PSMC3IP: variants seen among roughly 807,000 people sequenced by gnomAD.
PSMC3IP encodes homologous-pairing protein 2 homolog.
In PSMC3IP, 26 loss-of-function variants were observed where a neutral mutation model predicts 34.9. The ratio of observed to expected loss-of-function variants is 0.74; its 90% CI spans 0.55 to 1.03. The LOEUF (loss-of-function observed/expected upper bound fraction) is 1.03. Among genes scored for constraint, PSMC3IP ranks in the 50% least tolerant of loss-of-function variants. PSMC3IP has a pLI of 0.00. For synonymous variants in PSMC3IP, 87 were observed against 96.5 expected (o/e 0.90, Z 0.57); for missense variants, 250 against 263.1 (o/e 0.95, Z 0.34).
intron 3 of PSMC3IP, 177 bp from the exon 4 acceptor site, chr17:42,574,387 G>A (rs2093059658): frequency 1.3e-5 from 18 of 1,417,172 alleles, no homozygotes; most frequent in Middle Eastern, 2.6e-4. Flanking sequence ...GTTAAGGAGC[G>A]GCCCCACTAA....
At chr17:42,574,410 GAA>G in intron 3 of PSMC3IP, 200 bp from the exon 4 acceptor site, 4 of 1,331,058 alleles carry the variant, frequency 3.0e-6, no homozygotes, top group Admixed American at 2.8e-5. Context: ...AGGTAGGAAA[GAA>G]AAGCTGAAAT....
rs1417133181 is a variant in PSMC3IP at position 42,572,838 on chromosome 17, C to G, written c.*130G>C. 5.3e-6 allele frequency: 6 copies of G among 1,124,914 alleles called. No homozygotes were observed. 69.7% of individuals were successfully genotyped at this position (1,124,914 alleles called of 1,614,324 possible). On this transcript the variant is annotated 3_prime_UTR_variant, in exon 8 of 8. Coordinates refer to ENST00000393795, the MANE Select transcript of PSMC3IP (RefSeq NM_016556.4). Reference sequence around the variant, plus strand: ...CAGTGCTCTGGTTTATGCTTGTCTCCTGACTGCTCTGCTTAAAGGTGAAAG... The same window carrying G: ...CAGTGCTCTGGTTTATGCTTGTCTCGTGACTGCTCTGCTTAAAGGTGAAAG...
intron 2 of PSMC3IP, 58 bp from the exon 3 acceptor site, chr17:42,577,360 C>G (rs2093082458): frequency 1.2e-6 from 2 of 1,609,206 alleles, no homozygotes; most frequent in South Asian, 2.2e-5. Flanking sequence ...CTGGGGAAAT[C>G]CAGCCAGTGA....
rs2292754 is a variant in PSMC3IP at position 42,573,361 on chromosome 17, A to T, written c.487T>A (p.Tyr163Asn). The change falls in exon 6 of 8, where the codon TAC becomes AAC. Residue 163 changes from tyrosine to asparagine, a missense_variant. By Grantham distance (143) the Tyr-to-Asn change is moderately radical. Coordinates refer to ENST00000393795, the MANE Select transcript of PSMC3IP (RefSeq NM_016556.4). ...TTACAGTACTTCTGCCTCTCTCTGTACACCTAGAAGGAAAAAGCAAGTTCC... is the reference window on the plus strand; with the variant it reads ...TTACAGTACTTCTGCCTCTCTCTGTTCACCTAGAAGGAAAAAGCAAGTTCC... ...HVTPEEKEQV[Y>N]RERQKYCKEW... is the part of the protein sequence containing the mutation. 0.018 allele frequency: 29,370 copies of T among 1,614,006 alleles called. 1,337 individuals are homozygous for T. The highest frequency in any genetic ancestry group is 0.13 in the East Asian group (6,011 of 44,882).
intron 3 of PSMC3IP, among the ~76,000 whole-genome samples, chr17:42,575,079 C>A (rs2143313957): frequency 6.6e-6 from 1 of 152,238 alleles, no homozygotes; most frequent in Non-Finnish European, 1.5e-5. Flanking sequence ...ATAAGGGATT[C>A]CAGTAAGTCT....
intron 3 of PSMC3IP, chr17:42,576,910 G>A (rs924666164): frequency 7.0e-6 from 3 of 428,570 alleles, no homozygotes; most frequent in Non-Finnish European, 1.3e-5. Context: ...TCGGATGGAG[G>A]CAGGAGGAAC....
Position 42,574,778 on chromosome 17 carries a change from CTT to C in PSMC3IP, c.226-570_226-569del, listed in dbSNP as rs528459252. Among the ~76,000 whole-genome samples, 469 of 132,646 alleles carry C rather than the reference CTT, an allele frequency of 3.5e-3. 4 individuals are homozygous for C. Among genetic ancestry groups the C allele is most frequent in the African/African-American group, 0.012 (447 of 38,396 alleles). 87.0% of individuals were successfully genotyped at this position (132,646 alleles called of 152,430 possible). ...CTCCCTCCCTTCCCTCTTTTCCTCT[CTT>C]TCTTTCTCTGTCACCCAGGCCAGAG... On this transcript the variant is annotated intron_variant, in intron 3 of 7. Transcript: ENST00000393795.
At chr17:42,577,790 G>A, upstream of PSMC3IP, 1 of 1,405,630 alleles carries the variant, frequency 7.1e-7, no homozygotes, top group Non-Finnish European at 1.0e-6. Context: ...TTGGCTGAAG[G>A]GGAAGCCTTC....
chr17:42,573,385 C>T (rs892010755), intron 5 of PSMC3IP, 21 bp from the exon 6 acceptor site: 2 of 1,614,086 alleles, frequency 1.2e-6, no homozygotes, highest in Non-Finnish European at 1.7e-6. Context: ...AAAGCAAGTT[C>T]CTCTAACTCC....
intron 5 of PSMC3IP, 47 bp downstream of exon 5, chr17:42,573,431 A>T: frequency 2.5e-6 from 4 of 1,614,178 alleles, no homozygotes; most frequent in Non-Finnish European, 3.4e-6. Context: ...CTCAGCCCTG[A>T]TGTTCACTCT....
chr17:42,573,065 T>TAA, intron 7 of PSMC3IP, 41 bp from the exon 8 acceptor site: 2 of 1,614,124 alleles, frequency 1.2e-6, no homozygotes, highest in Non-Finnish European at 1.7e-6. Context: ...GTCACCAGGA[T>TAA]AAGACCACAG....
intron 5 of PSMC3IP, 39 bp from the exon 6 acceptor site, chr17:42,573,403 C>G: frequency 1.9e-6 from 3 of 1,614,244 alleles, no homozygotes; most frequent in African/African-American, 2.7e-5. Context: ...TCCTCAGAAC[C>G]ACAGCAGCCC....
chr17:42,573,916 T>C, intron 4 of PSMC3IP, 183 bp downstream of exon 4: 3 of 1,532,672 alleles, frequency 2.0e-6, no homozygotes, highest in Non-Finnish European at 2.6e-6. Flanking sequence ...GCGTATCTTG[T>C]CCATTTGTTG....
At chr17:42,577,427 C>A in intron 2 of PSMC3IP, 34 bp downstream of exon 2, 1 of 1,612,330 alleles carries the variant, frequency 6.2e-7, no homozygotes, top group South Asian at 1.1e-5. Context: ...CCAGGGAGTC[C>A]GACGGAGAGG....
chr17:42,577,692 T>C lies in PSMC3IP; in HGVS notation c.-6A>G. 1 of 1,614,030 alleles carries C rather than the reference T, an allele frequency of 6.2e-7. No homozygotes were observed. Among genetic ancestry groups the C allele is most frequent in the Non-Finnish European group, 8.5e-7 (1 of 1,179,920 alleles). ...TCTGCCCGGCCTTTACTCATCGCCT[T>C]TCCCGCCACCCAACTCAGAAAGCCG... On this transcript the variant is annotated 5_prime_UTR_variant, in exon 1 of 8. Coordinates refer to ENST00000393795, the MANE Select transcript of PSMC3IP (RefSeq NM_016556.4).
intron 3 of PSMC3IP, among the ~76,000 whole-genome samples, chr17:42,574,589 T>A (rs759450284): frequency 2.1e-4 from 32 of 152,134 alleles, no homozygotes; most frequent in Non-Finnish European, 4.0e-4. Flanking sequence ...ACTGGACAGG[T>A]GAAGAAGCAT....
At chr17:42,577,335 A>C in intron 2 of PSMC3IP, 33 bp from the exon 3 acceptor site, 1 of 1,611,778 alleles carries the variant, frequency 6.2e-7, no homozygotes, top group Non-Finnish European at 8.5e-7. Context: ...CAATCAGAGG[A>C]GTCTGAGCCT....
rs770855612 is a variant in PSMC3IP, at chr17:42,577,696, C to T, written c.-10G>A. On this transcript the variant is annotated 5_prime_UTR_variant, in exon 1 of 8. Coordinates refer to ENST00000393795, the MANE Select transcript of PSMC3IP (RefSeq NM_016556.4). ...CCCGGCCTTTACTCATCGCCTTTCC[C>T]GCCACCCAACTCAGAAAGCCGGACG... 1 of 1,614,014 alleles carries T rather than the reference C, an allele frequency of 6.2e-7. No homozygotes were observed. Among genetic ancestry groups the T allele is most frequent in the Admixed American group, 1.7e-5 (1 of 60,028 alleles).
At chr17:42,573,386 C>T (rs1394980872) in intron 5 of PSMC3IP, 22 bp from the exon 6 acceptor site, 3 of 1,614,154 alleles carry the variant, frequency 1.9e-6, no homozygotes, top group Non-Finnish European at 1.7e-6. Context: ...AAGCAAGTTC[C>T]TCTAACTCCT....
Sources: allele counts gnomAD v4.1 joint callset (sites outside exome capture counted in the v4.1 genomes callset), GRCh38; gene constraint gnomAD v4.1.1; transcripts MANE v1.5; gene names NCBI Gene and HGNC (gene_info 2026-07-23, HGNC 2026-07-21).